Variants in BICDL1 observed in about 807,000 individuals in gnomAD.
BICDL1 encodes the protein BICD family-like cargo adapter 1.
In BICDL1, 20 loss-of-function variants were observed where a neutral mutation model predicts 76.8. The ratio of observed to expected loss-of-function variants is 0.26; its 90% CI spans 0.18 to 0.38. The LOEUF (loss-of-function observed/expected upper bound fraction) is 0.38, where lower values mean the gene tolerates loss of function less well. BICDL1 is among the 10% of genes least tolerant of loss of function. The probability of loss-of-function intolerance (pLI) is 1.00; values close to 1 mark genes in which losing one functional copy is unlikely to be tolerated. For synonymous variants in BICDL1, 383 were observed against 337.1 expected (o/e 1.14, Z -1.49); for missense variants, 700 against 798.6 (o/e 0.88, Z 1.49).
chr12:120,009,207 C>T (rs879500862), intron 2 of BICDL1, among the ~76,000 whole-genome samples: 12 of 151,910 alleles, frequency 7.9e-5, no homozygotes, highest in East Asian at 1.9e-4. Context: ...AGGATGGTCT[C>T]GATCTTCTGA....
At chr12:119,992,482 C>G (rs1951545088) in intron 1 of BICDL1, 1 of 152,246 alleles carries the variant, frequency 6.6e-6, no homozygotes, top group Non-Finnish European at 1.5e-5. Context: ...ACTGCACCCT[C>G]AAGTGACCCT....
rs143257283 is a variant in BICDL1 at position 120,082,799 on chromosome 12, G to A, written c.1583+1782G>A. Among the ~76,000 whole-genome samples, 498 of 151,996 alleles carry A rather than the reference G, an allele frequency of 3.3e-3. 1 individual carries two copies. The highest frequency in any genetic ancestry group is 0.01 in the Middle Eastern group (3 of 292). ...ACCCAGGCTGGTCTTGAACTCCTGG[G>A]CTCAAGTGATCCACCCACCTTAGCC... On this transcript the variant is annotated intron_variant, in intron 8 of 9. Transcript: ENST00000548673.
At chr12:120,089,271 CGTGTGTGT>C (rs138992612) in intron 8 of BICDL1, among the ~76,000 whole-genome samples, 1 of 146,718 alleles carries the variant, frequency 6.8e-6, no homozygotes, top group Non-Finnish European at 1.5e-5. Context: ...CCTTTTTCAA[CGTGTGTGT>C]GTGTGTGTGT....
In BICDL1 at chr12:119,990,170, C is replaced by A; in HGVS notation, c.302C>A (p.Ser101Ter). 6.4e-7 allele frequency: 1 copy of A among 1,553,326 alleles called. No homozygotes were observed. The highest frequency in any genetic ancestry group is 8.7e-7 in the Non-Finnish European group (1 of 1,148,630). ...CCCTCCCAGGACCCCGAGCTGCTGT[C>A]GGTGATCCGACAGAAGGAGAAGGAT... The part of the protein sequence containing the change: ...PPPSQDPELL[S>*]VIRQKEKDLV... The change falls in exon 1 of 10, where the codon TCG (serine) becomes TAG (stop). Residue 101 changes from serine (S) to a stop codon, truncating the protein, a stop_gained. Transcript: ENST00000548673. LOFTEE classifies it high-confidence loss of function.
At chr12:120,052,619 C>A (rs950021368) in intron 2 of BICDL1, among the ~76,000 whole-genome samples, 1 of 152,022 alleles carries the variant, frequency 6.6e-6, no homozygotes, top group African/African-American at 2.4e-5. Context: ...AATGATTTTT[C>A]CCTTTGTTAT....
At chr12:120,092,535 G>A (rs1052657070) in intron 9 of BICDL1, 4 of 985,360 alleles carry the variant, frequency 4.1e-6, no homozygotes, top group Middle Eastern at 1.0e-3. Context: ...GGCAGGAGGA[G>A]CCCCTGAGGC....
intron 2 of BICDL1, among the ~76,000 whole-genome samples, chr12:120,042,446 G>A (rs543865629): frequency 3.2e-4 from 49 of 152,272 alleles, no homozygotes; most frequent in Admixed American, 1.4e-3. Context: ...TTCAGGTTTG[G>A]ACATGTTGAG....
chr12:120,025,900 C>T (rs1431784094), intron 2 of BICDL1, among the ~76,000 whole-genome samples: 1 of 151,942 alleles, frequency 6.6e-6, no homozygotes, highest in Non-Finnish European at 1.5e-5. Flanking sequence ...TGCAGTGGCT[C>T]AGCCTCAGCT....
chr12:120,033,942 T>C (rs16949884), intron 2 of BICDL1, among the ~76,000 whole-genome samples: 3,532 of 152,180 alleles, frequency 0.023, 146 homozygotes, highest in African/African-American at 0.081. Context: ...CCTTATTCAG[T>C]TTTTTCTCCA....
At chr12:120,072,376 AAC>A (rs1873173392) in intron 5 of BICDL1, 133 bp from the exon 6 acceptor site, 1 of 755,426 alleles carries the variant, frequency 1.3e-6, no homozygotes, top group Non-Finnish European at 2.2e-6. Context: ...TTAAAAAAAA[AAC>A]ACAGAACAAA....
At position 119,989,903 on chromosome 12, in the gene BICDL1, C is replaced by G. The variant is rs1255919844; in HGVS notation, c.35C>G (p.Ala12Gly). 3.4e-6 allele frequency: 5 copies of G among 1,451,500 alleles called. No homozygotes were observed. The highest frequency in any genetic ancestry group is 4.5e-6 in the Non-Finnish European group (5 of 1,114,044). 89.9% of individuals were successfully genotyped at this position (1,451,500 alleles called of 1,614,324 possible). Reference protein sequence around the residue: ...SAFCLGLVGRASAPAEPDSAC... With the variant: ...SAFCLGLVGRGSAPAEPDSAC... ...TTCTGCCTGGGCTTGGTCGGCCGCG[C>G]TTCAGCACCCGCCGAGCCGGACAGC... The change falls in exon 1 of 10, where the codon GCT becomes GGT. Residue 12 changes from alanine to glycine, a missense_variant. Ala to Gly is a moderately conservative substitution (Grantham distance 60). Transcript: ENST00000548673.
At chr12:120,016,042 C>T (rs956863625) in intron 2 of BICDL1, among the ~76,000 whole-genome samples, 5 of 152,166 alleles carry the variant, frequency 3.3e-5, no homozygotes, top group Non-Finnish European at 7.3e-5. Context: ...CCATATCGTT[C>T]TGCATTCAGT....
rs1952263304 is a variant in BICDL1 at position 120,025,055 on chromosome 12, T to C, written c.645+26319T>C. 2.7e-5 allele frequency among the ~76,000 whole-genome samples: 4 copies of C among 149,698 alleles called. No homozygotes were observed. The South Asian group carries it at 8.4e-4, about 32-fold the overall frequency. On this transcript the variant is annotated intron_variant, in intron 2 of 9. Coordinates refer to ENST00000548673, the MANE Select transcript of BICDL1 (RefSeq NM_001367886.1). ...GTGATATTATACTTTCTTTCTTTTT[T>C]TTTTTTTTTTTGAGACGGAGGAGTC...
intron 2 of BICDL1, among the ~76,000 whole-genome samples, chr12:120,050,717 C>T (rs1469595295): frequency 6.6e-6 from 1 of 152,142 alleles, no homozygotes; most frequent in African/African-American, 2.4e-5. Context: ...TCTTGGCTCA[C>T]TGCAACCTCT....
At chr12:120,029,537 G>A (rs960106453) in intron 2 of BICDL1, among the ~76,000 whole-genome samples, 9 of 152,016 alleles carry the variant, frequency 5.9e-5, no homozygotes, top group Admixed American at 2.0e-4. Flanking sequence ...ATGTCTTATG[G>A]TCAAATAAAT....
chr12:120,064,235 T>C (rs1404448329), intron 3 of BICDL1, among the ~76,000 whole-genome samples: 1 of 152,082 alleles, frequency 6.6e-6, no homozygotes, highest in East Asian at 1.9e-4. Flanking sequence ...TGACCTCTAG[T>C]GCCAGAGGGG....
chr12:120,054,018 T>C (rs892776547), intron 2 of BICDL1, among the ~76,000 whole-genome samples: 1 of 149,236 alleles, frequency 6.7e-6, no homozygotes, highest in Non-Finnish European at 1.5e-5. Flanking sequence ...ACTAAAAATA[T>C]AAAAAAAATA....
At chr12:120,026,069 C>G (rs1488775815) in intron 2 of BICDL1, among the ~76,000 whole-genome samples, 1 of 152,002 alleles carries the variant, frequency 6.6e-6, no homozygotes, top group African/African-American at 2.4e-5. Context: ...AACTCCTGGC[C>G]TCAAGCAATC....
intron 1 of BICDL1, among the ~76,000 whole-genome samples, chr12:119,995,369 C>G (rs1951620518): frequency 6.6e-6 from 1 of 152,146 alleles, no homozygotes; most frequent in African/African-American, 2.4e-5. Flanking sequence ...GTCTCATGTC[C>G]AAAGAAATAC....
Sources: allele counts gnomAD v4.1 joint callset (sites outside exome capture counted in the v4.1 genomes callset), GRCh38; gene constraint gnomAD v4.1.1; transcripts MANE v1.5; gene names NCBI Gene and HGNC (gene_info 2026-07-23, HGNC 2026-07-21).